Variants in ABTB3 observed in about 807,000 individuals in gnomAD.
The protein encoded by ABTB3 is ankyrin repeat- and BTB/POZ domain-containing protein 3.
the ABTB3 span, among the ~76,000 whole-genome samples, chr12:107,537,714 G>C: frequency 2.0e-5 from 3 of 152,238 alleles, no homozygotes; most frequent in East Asian, 5.8e-4. Context: ...TCTCTTTGGG[G>C]ACAGTGGAGG....
chr12:107,618,368 C>G, the ABTB3 span: 5 of 1,612,290 alleles, frequency 3.1e-6, no homozygotes, highest in Non-Finnish European at 4.2e-6. Context: ...CAATTGATAT[C>G]AGGAGCATAG....
At chr12:107,614,476 G>C in the ABTB3 span, among the ~76,000 whole-genome samples, 1 of 152,116 alleles carries the variant, frequency 6.6e-6, no homozygotes, top group Non-Finnish European at 1.5e-5. Context: ...AAAGCAGACA[G>C]TCCCTTGCCT....
At chr12:107,483,998 T>G in the ABTB3 span, among the ~76,000 whole-genome samples, 569 of 152,276 alleles carry the variant, frequency 3.7e-3, 11 homozygotes, top group African/African-American at 0.013. Flanking sequence ...AGCCAGGCTG[T>G]TTATTTTTAA....
At chr12:107,634,276 A>T in the ABTB3 span, among the ~76,000 whole-genome samples, 6 of 152,232 alleles carry the variant, frequency 3.9e-5, no homozygotes, top group Non-Finnish European at 2.9e-5. Context: ...TCAAAAGAAT[A>T]TTTATTGTTT....
the ABTB3 span, among the ~76,000 whole-genome samples, chr12:107,413,824 C>T: frequency 1.3e-5 from 2 of 152,196 alleles, no homozygotes; most frequent in African/African-American, 4.8e-5. Context: ...TTGTAAAACT[C>T]CCCAGGTAAT....
chr12:107,648,175 G>C, the ABTB3 span, among the ~76,000 whole-genome samples: 2 of 152,084 alleles, frequency 1.3e-5, no homozygotes, highest in Admixed American at 1.3e-4. Context: ...GAGCTCAGTA[G>C]TTCAAGACCA....
the ABTB3 span, among the ~76,000 whole-genome samples, chr12:107,414,598 AT>A: frequency 2.8e-4 from 43 of 151,822 alleles, 1 homozygote; most frequent in South Asian, 7.3e-3. Flanking sequence ...ACATTCGGCT[AT>A]TTTTTTCCTG....
At chr12:107,535,276 A>G in the ABTB3 span, among the ~76,000 whole-genome samples, 3 of 152,266 alleles carry the variant, frequency 2.0e-5, no homozygotes, top group African/African-American at 7.2e-5. Flanking sequence ...GAAGGAAAAA[A>G]CCTCAACACA....
At chr12:107,559,344 G>T in the ABTB3 span, among the ~76,000 whole-genome samples, 2 of 152,042 alleles carry the variant, frequency 1.3e-5, no homozygotes, top group African/African-American at 4.8e-5. Flanking sequence ...TGACAGCCCC[G>T]TGTGTGCTGT....
the ABTB3 span, among the ~76,000 whole-genome samples, chr12:107,519,358 T>C: frequency 4.0e-5 from 6 of 150,034 alleles, no homozygotes; most frequent in Admixed American, 2.7e-4. Flanking sequence ...AGTCTTGCTC[T>C]GTTGCCTAGG....
chr12:107,548,891 A>G, the ABTB3 span, among the ~76,000 whole-genome samples: 1 of 152,156 alleles, frequency 6.6e-6, no homozygotes, highest in Non-Finnish European at 1.5e-5. Flanking sequence ...TTACCACAAG[A>G]TGAAAAAAAT....
chr12:107,380,153 C>G, the ABTB3 span, among the ~76,000 whole-genome samples: 1 of 152,298 alleles, frequency 6.6e-6, no homozygotes, highest in South Asian at 2.1e-4. Flanking sequence ...CTGAACTGAG[C>G]GCTGGTAAAC....
the ABTB3 span, among the ~76,000 whole-genome samples, chr12:107,422,941 A>C: frequency 6.6e-6 from 1 of 152,346 alleles, no homozygotes; most frequent in East Asian, 1.9e-4. Context: ...ATGGATATCA[A>C]TTGCCATGGG....
At chr12:107,387,800 A>G in the ABTB3 span, among the ~76,000 whole-genome samples, 1 of 152,042 alleles carries the variant, frequency 6.6e-6, no homozygotes, top group South Asian at 2.1e-4. Context: ...GTAGTTTTTG[A>G]CTTGTGCAAT....
the ABTB3 span, among the ~76,000 whole-genome samples, chr12:107,537,439 T>C: frequency 6.6e-6 from 1 of 152,224 alleles, no homozygotes; most frequent in Non-Finnish European, 1.5e-5. Context: ...GTAATTACCC[T>C]GATTTGATCA....
the ABTB3 span, among the ~76,000 whole-genome samples, chr12:107,423,132 A>G: frequency 6.6e-6 from 1 of 152,138 alleles, no homozygotes; most frequent in Admixed American, 6.5e-5. Flanking sequence ...CTTCCCCCCT[A>G]AAGTTGTGCA....
At chr12:107,319,770 G>T in the ABTB3 span, 1 of 1,478,452 alleles carries the variant, frequency 6.8e-7, no homozygotes, top group Non-Finnish European at 9.0e-7. Context: ...CCGAGCTCGG[G>T]CCCTGGTGCG....
chr12:107,524,352 C>G, the ABTB3 span, among the ~76,000 whole-genome samples: 3 of 152,100 alleles, frequency 2.0e-5, no homozygotes, highest in South Asian at 2.1e-4. Flanking sequence ...ATCAATACAG[C>G]CTTGCTCTCT....
At chr12:107,630,951 T>C in the ABTB3 span, among the ~76,000 whole-genome samples, 3 of 152,202 alleles carry the variant, frequency 2.0e-5, no homozygotes, top group African/African-American at 4.8e-5. Context: ...GTTTTGTTTT[T>C]GTTTTTGTTT....
Sources: gnomAD v4.1 joint callset for allele counts (sites outside exome capture counted in the v4.1 genomes callset) on GRCh38, gnomAD v4.1.1 for gene constraint, MANE v1.5 for transcripts, NCBI Gene and HGNC (gene_info 2026-07-23, HGNC 2026-07-21) for gene names.